EPHA4: variants seen among roughly 807,000 people sequenced by gnomAD.
The protein encoded by EPHA4 is EPH receptor A4, also known as ephrin type-A receptor 4.
A neutral mutation model predicts 108.3 loss-of-function variants in EPHA4; 19 were observed. The observed-to-expected ratio is 0.18, with a 90% confidence interval of 0.12 to 0.26. EPHA4 has a LOEUF of 0.26. EPHA4 is among the 10% of genes least tolerant of loss of function. EPHA4 has a pLI of 1.00. For synonymous variants in EPHA4, 449 were observed against 455.5 expected (o/e 0.99, Z 0.18); for missense variants, 917 against 1,254.0 (o/e 0.73, Z 4.06).
At chr2:221,432,818 A>AT (rs34200694) in intron 14 of EPHA4, among the ~76,000 whole-genome samples, 24,209 of 88,956 alleles carry the variant, frequency 0.27, 3,812 homozygotes, top group Non-Finnish European at 0.32. Context: ...AAATCTTTGT[A>AT]TTTTTTTTTT....
intron 5 of EPHA4, among the ~76,000 whole-genome samples, chr2:221,476,984 G>T (rs16862733): frequency 0.029 from 4,465 of 152,126 alleles, 131 homozygotes; most frequent in East Asian, 0.08. Context: ...ACAAACAGAT[G>T]GAACTGTACA....
intron 5 of EPHA4, among the ~76,000 whole-genome samples, chr2:221,476,247 T>A (rs1352621387): frequency 6.6e-6 from 1 of 152,128 alleles, no homozygotes; most frequent in African/African-American, 2.4e-5. Flanking sequence ...TGCTTGTCCC[T>A]TTGATCTCAG....
At chr2:221,538,847 C>T (rs563958798) in intron 3 of EPHA4, among the ~76,000 whole-genome samples, 289 of 152,246 alleles carry the variant, frequency 1.9e-3, no homozygotes, top group Middle Eastern at 0.014. Flanking sequence ...TTCCTTTTTA[C>T]ATTTGTTTCT....
At chr2:221,546,991 A>T (rs1038741415) in intron 3 of EPHA4, among the ~76,000 whole-genome samples, 4 of 152,162 alleles carry the variant, frequency 2.6e-5, no homozygotes, top group African/African-American at 9.7e-5. Context: ...ATAATTCAGG[A>T]TATACTGGCT....
intron 3 of EPHA4, among the ~76,000 whole-genome samples, chr2:221,553,155 A>C (rs1694209349): frequency 6.6e-6 from 1 of 152,228 alleles, no homozygotes; most frequent in African/African-American, 2.4e-5. Flanking sequence ...TAAGACTACA[A>C]GACATAATTA....
intron 3 of EPHA4, among the ~76,000 whole-genome samples, chr2:221,541,333 C>T (rs557774547): frequency 3.8e-4 from 57 of 151,988 alleles, no homozygotes; most frequent in Non-Finnish European, 7.6e-4. Flanking sequence ...GCGAGGGGAT[C>T]CCCTAAGAAG....
intron 17 of EPHA4, among the ~76,000 whole-genome samples, chr2:221,423,137 T>C (rs927534745): frequency 6.6e-6 from 1 of 152,234 alleles, no homozygotes; most frequent in Admixed American, 6.5e-5. Context: ...CTTTCTTCTG[T>C]GGAGCTCACC....
At chr2:221,529,275 G>T (rs1693431998) in intron 3 of EPHA4, among the ~76,000 whole-genome samples, 2 of 152,174 alleles carry the variant, frequency 1.3e-5, no homozygotes, top group African/African-American at 2.4e-5. Context: ...CTTTGCTGCA[G>T]GGGGCTGATT....
intron 4 of EPHA4, among the ~76,000 whole-genome samples, chr2:221,489,678 T>C (rs1193149273): frequency 6.6e-6 from 1 of 152,190 alleles, no homozygotes; most frequent in Non-Finnish European, 1.5e-5. Flanking sequence ...CATTAGAACA[T>C]AAGCTCCAGG....
chr2:221,475,797 C>A (rs1027865275), intron 5 of EPHA4, among the ~76,000 whole-genome samples: 2 of 152,154 alleles, frequency 1.3e-5, no homozygotes, highest in African/African-American at 4.8e-5. Flanking sequence ...TATGTTGAAC[C>A]CATTAGAAAT....
intron 4 of EPHA4, among the ~76,000 whole-genome samples, chr2:221,491,714 C>T (rs1692148132): frequency 6.6e-6 from 1 of 151,994 alleles, no homozygotes; most frequent in South Asian, 2.1e-4. Context: ...TCTTTTCTGC[C>T]TTGTTCCTAC....
rs550952508 is a variant in EPHA4 at position 221,564,133 on chromosome 2, G to C, written c.421C>G (p.Gln141Glu). Residue 141 changes from glutamine to glutamate, a missense_variant, in exon 3 of 18, where the codon CAG becomes GAG. Gln to Glu is a conservative substitution (Grantham distance 29). Transcript: ENST00000281821. ...NDKERFIREN[Q>E]FVKIDTIAAD... The stretch of plus-strand genomic sequence containing the variant: ...GCAATGGTGTCAATTTTGACAAACT[G>C]GTTCTCTCTGATGAAACGCTCTTTG... 1 of 1,614,052 alleles carries C rather than the reference G, an allele frequency of 6.2e-7. No individual in the cohort carries two copies. The highest frequency in any genetic ancestry group is 1.7e-5 in the Admixed American group (1 of 60,004).
At chr2:221,445,591 A>G (rs1690570816) in intron 9 of EPHA4, among the ~76,000 whole-genome samples, 1 of 49,736 alleles carries the variant, frequency 2.0e-5, no homozygotes. Flanking sequence ...CTCCGTCAGA[A>G]AAAAAAAAAA....
rs1028299354 is a variant in EPHA4, at chr2:221,571,157, G to GGCACACACACGCAGACAT, written c.91+983_91+1000dup. ...AGTTGCACGCGCGCGCACACACACA[G>GGCACACACACGCAGACAT]GCACACACACGCAGACATGCACACA... On this transcript the variant is annotated intron_variant, in intron 1 of 17. Transcript: ENST00000281821. The surrounding 1 kb of genome is among the most constrained non-coding windows in gnomAD (Gnocchi z 6.3). 2.0e-5 allele frequency among the ~76,000 whole-genome samples: 3 copies of GGCACACACACGCAGACAT among 151,332 alleles called. No individual in the cohort carries two copies. Among genetic ancestry groups the GGCACACACACGCAGACAT allele is most frequent in the African/African-American group, 4.9e-5 (2 of 41,184 alleles).
intron 5 of EPHA4, among the ~76,000 whole-genome samples, chr2:221,466,718 CAGGTACTATTA>C (rs1239794862): frequency 2.0e-5 from 3 of 152,116 alleles, no homozygotes; most frequent in Non-Finnish European, 4.4e-5. Context: ...CTCTATGAGA[CAGGTACTATTA>C]TTATCCTCAT....
rs183207740 is a variant in EPHA4 at position 221,507,570 on chromosome 2, T to A, written c.824-6398A>T. Among the ~76,000 whole-genome samples the A allele has an allele frequency of 3.2e-3, 492 of 152,300 alleles. 2 individuals are homozygous for A. Among genetic ancestry groups the A allele is most frequent in the South Asian group, 0.015 (72 of 4,826 alleles). On this transcript the variant is annotated intron_variant, in intron 3 of 17. Transcript: ENST00000281821. ...AAAGAATGATACTGATTTTTTTTTT[T>A]AATTTCTGAGCCACTAAGTTCATGA... is the stretch of plus-strand genomic sequence containing the variant.
At chr2:221,426,722 A>G in intron 15 of EPHA4, 103 bp from the exon 16 acceptor site, 2 of 1,067,934 alleles carry the variant, frequency 1.9e-6, no homozygotes. Context: ...CTGAAAAGCT[A>G]AGGGAAGGTT....
chr2:221,522,997 A>G (rs1468535237), intron 3 of EPHA4, among the ~76,000 whole-genome samples: 6 of 152,204 alleles, frequency 3.9e-5, no homozygotes, highest in African/African-American at 1.4e-4. Flanking sequence ...TCCTGACCTC[A>G]GGTGATCCGC....
intron 4 of EPHA4, among the ~76,000 whole-genome samples, chr2:221,492,581 T>C (rs1256064633): frequency 6.6e-6 from 1 of 152,208 alleles, no homozygotes; most frequent in Non-Finnish European, 1.5e-5. Flanking sequence ...TTCCTTTTAG[T>C]AGCTAAAATG....
Sources: gnomAD v4.1 joint callset for allele counts (sites outside exome capture counted in the v4.1 genomes callset) on GRCh38, gnomAD v4.1.1 for gene constraint, Gnocchi (gnomAD v3.1) non-coding constraint, MANE v1.5 for transcripts, NCBI Gene and HGNC (gene_info 2026-07-23, HGNC 2026-07-21) for gene names.